LONRF1: variants seen among roughly 807,000 people sequenced by gnomAD.
The protein encoded by LONRF1 is LON peptidase N-terminal domain and RING finger protein 1.
A neutral mutation model predicts 85.8 loss-of-function variants in LONRF1; 37 were observed. The ratio of observed to expected loss-of-function variants is 0.43; its 90% CI spans 0.33 to 0.57. LONRF1 has a LOEUF of 0.57. Ranked by LOEUF, LONRF1 falls within the 20% of genes least tolerant of loss-of-function variation. The pLI is 0.04. For missense variants in LONRF1, 1,036 were observed against 978.0 expected (o/e 1.06, Z -0.79); for synonymous variants, 517 against 390.1 (o/e 1.33, Z -3.83).
Position 12,730,121 on chromosome 8 carries a change from T to C in LONRF1, c.1689-789A>G, listed in dbSNP as rs570904054. Among the ~76,000 whole-genome samples the C allele has an allele frequency of 2.0e-5, 3 of 152,276 alleles. No individual in the cohort carries two copies. The South Asian group carries it at 6.2e-4, about 32-fold the overall frequency. Reference sequence around the variant, plus strand: ...TGTAGCAATGTGGATAGTAACCAAATTGTAGAATCATAAAGAGGAGACTAG... The same window carrying C: ...TGTAGCAATGTGGATAGTAACCAAACTGTAGAATCATAAAGAGGAGACTAG... On this transcript the variant is annotated intron_variant, in intron 8 of 11. Coordinates refer to ENST00000398246, the MANE Select transcript of LONRF1 (RefSeq NM_152271.5).
At chr8:12,745,615 C>T (rs1398257234) in intron 1 of LONRF1, among the ~76,000 whole-genome samples, 1 of 152,224 alleles carries the variant, frequency 6.6e-6, no homozygotes, top group African/African-American at 2.4e-5. Context: ...AGTCACCTCA[C>T]TGCACACGCC....
chr8:12,751,305 T>TG (rs1554469369), intron 1 of LONRF1, among the ~76,000 whole-genome samples: 4 of 69,716 alleles, frequency 5.7e-5, no homozygotes, highest in South Asian at 1.4e-3. Flanking sequence ...TGTTTTTTTT[T>TG]TTTTTTTTTT....
intron 1 of LONRF1, chr8:12,752,952 T>G (rs1166409813): frequency 6.6e-6 from 1 of 152,254 alleles, no homozygotes; most frequent in East Asian, 1.9e-4. Flanking sequence ...GCACTGCCTC[T>G]CTACCAGTTA....
At chr8:12,749,434 C>A (rs183937099) in intron 1 of LONRF1, among the ~76,000 whole-genome samples, 1 of 152,156 alleles carries the variant, frequency 6.6e-6, no homozygotes, top group African/African-American at 2.4e-5. Context: ...TAAAACAATT[C>A]CAATTTTGAG....
chr8:12,746,943 G>A (rs1346065093), intron 1 of LONRF1, among the ~76,000 whole-genome samples: 1 of 152,128 alleles, frequency 6.6e-6, no homozygotes, highest in African/African-American at 2.4e-5. Flanking sequence ...TTGAAAGCAT[G>A]GCGTGTTTGC....
At position 12,722,993 on chromosome 8, in the gene LONRF1, A is replaced by C; in HGVS notation, c.*103T>G. Reference sequence around the variant, plus strand: ...AGGTCGAAGGAAAAAGAAAAGTTTCATTAAATTTCTGAAACCAGCACTAGA... The same window carrying C: ...AGGTCGAAGGAAAAAGAAAAGTTTCCTTAAATTTCTGAAACCAGCACTAGA... On this transcript the variant is annotated 3_prime_UTR_variant, in exon 12 of 12. Transcript: ENST00000398246. 8.7e-7 allele frequency: 1 copy of C among 1,149,584 alleles called. No individual in the cohort carries two copies. Among genetic ancestry groups the C allele is most frequent in the Non-Finnish European group, 1.2e-6 (1 of 824,206 alleles). The allele number at this position is 1,149,584 out of a possible 1,614,324, so 71.2% of individuals were successfully genotyped here. A position where few individuals can be genotyped will look rare whatever the true frequency, so the allele number is the denominator to read the frequency against.
intron 7 of LONRF1, among the ~76,000 whole-genome samples, 188 bp downstream of exon 7, chr8:12,735,098 T>A (rs1798668197): frequency 6.6e-6 from 1 of 152,164 alleles, no homozygotes; most frequent in Non-Finnish European, 1.5e-5. Context: ...GTCTTCTTTC[T>A]CCCCATCCTC....
At chr8:12,751,140 C>G (rs1799369219) in intron 1 of LONRF1, among the ~76,000 whole-genome samples, 1 of 152,122 alleles carries the variant, frequency 6.6e-6, no homozygotes, top group Non-Finnish European at 1.5e-5. Flanking sequence ...GCTTTAATCA[C>G]TAAGCCACAC....
intron 1 of LONRF1, chr8:12,753,511 T>G (rs1471659447): frequency 6.6e-6 from 1 of 152,220 alleles, no homozygotes; most frequent in East Asian, 1.9e-4. Flanking sequence ...GGAATCCTGC[T>G]GTGCCTAGTA....
At chr8:12,736,318 T>C (rs900481051) in intron 6 of LONRF1, among the ~76,000 whole-genome samples, 1 of 152,212 alleles carries the variant, frequency 6.6e-6, no homozygotes, top group South Asian at 2.1e-4. Flanking sequence ...GATAGGATCA[T>C]ATACATAAAA....
rs1798668121 is a variant in LONRF1, at chr8:12,735,093, C to T, written c.1566+193G>A. ...GGGGTTGGTCTTCAGCATCTGTCTT[C>T]TTTCTCCCCATCCTCTTCAACCTCA... On this transcript the variant is annotated intron_variant, in intron 7 of 11. Transcript: ENST00000398246. Among the ~76,000 whole-genome samples, 3 of 152,084 alleles carry T rather than the reference C, an allele frequency of 2.0e-5. No individual in the cohort carries two copies. The South Asian group carries it at 6.2e-4, about 32-fold the overall frequency.
At chr8:12,745,024 T>C (rs1403422641) in intron 1 of LONRF1, among the ~76,000 whole-genome samples, 1 of 152,102 alleles carries the variant, frequency 6.6e-6, no homozygotes, top group African/African-American at 2.4e-5. Context: ...ACGGCAGCAG[T>C]GAAAGAAGTG....
chr8:12,723,295 A>C, intron 11 of LONRF1, 41 bp from the exon 12 acceptor site: 1 of 1,553,866 alleles, frequency 6.4e-7, no homozygotes, highest in Non-Finnish European at 8.7e-7. Flanking sequence ...TAAAACAAGG[A>C]TTTATGTAAC....
chr8:12,752,505 A>T (rs972819689), intron 1 of LONRF1, among the ~76,000 whole-genome samples: 4 of 152,216 alleles, frequency 2.6e-5, no homozygotes, highest in African/African-American at 9.6e-5. Context: ...AAAAATGAGG[A>T]AAAAATAAGC....
chr8:12,730,167 C>T (rs745925867), intron 8 of LONRF1, among the ~76,000 whole-genome samples: 2 of 152,126 alleles, frequency 1.3e-5, no homozygotes, highest in Non-Finnish European at 2.9e-5. Flanking sequence ...TATGGTACAT[C>T]CATAAAACGG....
In LONRF1 at chr8:12,755,507, G is replaced by A. The variant is rs958266295; in HGVS notation, c.-87C>T. ...CGGCTCCGCACGCGGCCCGCGAGCA[G>A]GGGGGCGTGGCGCGCGGACACGGCG... On this transcript the variant is annotated 5_prime_UTR_variant, in exon 1 of 12. Coordinates refer to ENST00000398246, the MANE Select transcript of LONRF1 (RefSeq NM_152271.5). 3.5e-4 allele frequency: 224 copies of A among 639,098 alleles called. No individual in the cohort carries two copies. Among genetic ancestry groups the A allele is most frequent in the Non-Finnish European group, 3.3e-4 (168 of 513,620 alleles). 39.6% of individuals were successfully genotyped at this position (639,098 alleles called of 1,614,324 possible). A position where few individuals can be genotyped will look rare whatever the true frequency, so the allele number is the denominator to read the frequency against.
chr8:12,732,932 A>C (rs1268830306), intron 7 of LONRF1, among the ~76,000 whole-genome samples: 3 of 152,206 alleles, frequency 2.0e-5, no homozygotes, highest in African/African-American at 7.2e-5. Context: ...GCAGTCAGTA[A>C]AAGCAAGGGT....
chr8:12,736,853 C>A (rs1444083704), intron 5 of LONRF1, 47 bp downstream of exon 5: 2 of 1,576,164 alleles, frequency 1.3e-6, no homozygotes, highest in Non-Finnish European at 1.7e-6. Context: ...AAAGACTATT[C>A]TGACTAAATA....
At chr8:12,733,167 G>C (rs1389091457) in intron 7 of LONRF1, among the ~76,000 whole-genome samples, 1 of 151,952 alleles carries the variant, frequency 6.6e-6, no homozygotes, top group Non-Finnish European at 1.5e-5. Context: ...GGTGGCCTTG[G>C]GCAGGTAGTA....
Sources: allele counts gnomAD v4.1 joint callset (sites outside exome capture counted in the v4.1 genomes callset), GRCh38; gene constraint gnomAD v4.1.1; transcripts MANE v1.5; gene names NCBI Gene and HGNC (gene_info 2026-07-23, HGNC 2026-07-21).